Variants in ITGAE observed in about 807,000 individuals in gnomAD.
ITGAE encodes integrin alpha-E.
ITGAE carries 99 observed loss-of-function variants against 136.5 expected under a neutral mutation model. The observed-to-expected ratio is 0.73, with a 90% CI of 0.62 to 0.86. ITGAE has a LOEUF of 0.86. Ranked by LOEUF, ITGAE falls within the 40% of genes least tolerant of loss-of-function variation. ITGAE has a pLI of 0.00. For missense variants in ITGAE, 1,447 were observed against 1,515.3 expected (o/e 0.95, Z 0.75); for synonymous variants, 613 against 591.8 (o/e 1.04, Z -0.52).
Position 3,724,214 on chromosome 17 carries a change from C to A in ITGAE, c.3085-470G>T, listed in dbSNP as rs990174898. ...GCCGAGTGCCCAAGGACCGGCCCAG[C>A]CTGACCGTGACCCCAAAGCGCTGGA... On this transcript the variant is annotated intron_variant, in intron 26 of 30. Transcript: ENST00000263087. 7 of 1,593,064 alleles carry A rather than the reference C, an allele frequency of 4.4e-6. No homozygotes were observed. Among genetic ancestry groups the A allele is most frequent in the Non-Finnish European group, 5.9e-6 (7 of 1,177,010 alleles).
At chr17:3,733,812 T>TA (rs1225731694) in intron 21 of ITGAE, among the ~76,000 whole-genome samples, 1 of 152,154 alleles carries the variant, frequency 6.6e-6, no homozygotes, top group Non-Finnish European at 1.5e-5. Flanking sequence ...GAAATGTAAA[T>TA]AAAGTCCTGT....
chr17:3,753,843 C>T lies in ITGAE; in HGVS notation c.1467G>A (p.Val489=). Residue 489 remains valine, a synonymous_variant, in exon 13 of 31, where the codon GTG becomes GTA. Transcript: ENST00000263087. The part of the protein sequence containing the change: ...GAPRYKHHGA[V]FELQKEGREA... ...CTCTGCCCTCCTTCTGGAGCTCAAACACGGCCCCATGATGTTTGTACCGTG... is the reference window on the plus strand; with the variant it reads ...CTCTGCCCTCCTTCTGGAGCTCAAATACGGCCCCATGATGTTTGTACCGTG... The T allele has an allele frequency of 1.9e-6, 3 of 1,614,190 alleles. No individual in the cohort carries two copies. Among genetic ancestry groups the T allele is most frequent in the Non-Finnish European group, 2.5e-6 (3 of 1,180,018 alleles).
intron 14 of ITGAE, among the ~76,000 whole-genome samples, chr17:3,752,921 G>T (rs1394775110): frequency 6.6e-6 from 1 of 152,308 alleles, no homozygotes; most frequent in African/African-American, 2.4e-5. Flanking sequence ...TGTGGCCCAT[G>T]CCTGTAATCC....
chr17:3,792,191 G>A (rs771058452), intron 1 of ITGAE, among the ~76,000 whole-genome samples: 9 of 151,992 alleles, frequency 5.9e-5, no homozygotes, highest in East Asian at 1.9e-4. Flanking sequence ...GCGCGATCTC[G>A]GCTCACTGCA....
At chr17:3,760,058 G>A in intron 7 of ITGAE, 114 bp downstream of exon 7, 2 of 686,220 alleles carry the variant, frequency 2.9e-6, no homozygotes, top group Middle Eastern at 2.8e-4. Context: ...ATCCAGCTGA[G>A]CCCAGCCCAA....
At chr17:3,722,160 T>C (rs1368404157) in intron 28 of ITGAE, among the ~76,000 whole-genome samples, 1 of 134,076 alleles carries the variant, frequency 7.5e-6, no homozygotes, top group Admixed American at 8.1e-5. Flanking sequence ...AGAGCGAAAC[T>C]CCGTCTTGAA....
intron 3 of ITGAE, among the ~76,000 whole-genome samples, chr17:3,762,203 C>T (rs541603750): frequency 4.6e-5 from 7 of 152,350 alleles, no homozygotes; most frequent in Admixed American, 4.6e-4. Context: ...CTGACCCTTT[C>T]AACACGTGCC....
At chr17:3,796,055 GTGTGTGCATCCGTGTT>G (rs1307551007) in intron 1 of ITGAE, among the ~76,000 whole-genome samples, 18 of 150,236 alleles carry the variant, frequency 1.2e-4, no homozygotes, top group Non-Finnish European at 2.5e-4. Flanking sequence ...GTGCATCTGT[GTGTGTGCATCCGTGTT>G]TGTGCATCCC....
At chr17:3,723,147 T>C (rs949765742) in intron 28 of ITGAE, 141 bp downstream of exon 28, 6 of 630,156 alleles carry the variant, frequency 9.5e-6, no homozygotes, top group Non-Finnish European at 1.7e-5. Context: ...AAGGAACGGG[T>C]TGGGACAGAG....
At chr17:3,795,304 C>T (rs1364643851) in intron 1 of ITGAE, among the ~76,000 whole-genome samples, 1 of 152,212 alleles carries the variant, frequency 6.6e-6, no homozygotes, top group Admixed American at 6.5e-5. Context: ...GAGCCCAGCT[C>T]AGCGCAGGGC....
intron 1 of ITGAE, among the ~76,000 whole-genome samples, chr17:3,786,369 G>A (rs1017399494): frequency 1.1e-4 from 17 of 151,954 alleles, no homozygotes; most frequent in Non-Finnish European, 2.1e-4. Flanking sequence ...CTTCACTGAC[G>A]AATTTTTCCA....
At chr17:3,750,664 G>A (rs750735212) in intron 15 of ITGAE, among the ~76,000 whole-genome samples, 182 bp from the exon 16 acceptor site, 9 of 152,098 alleles carry the variant, frequency 5.9e-5, no homozygotes, top group Non-Finnish European at 5.9e-5. Flanking sequence ...ATGGAGCCTC[G>A]AAGGGCAGGT....
intron 2 of ITGAE, 49 bp downstream of exon 2, chr17:3,777,491 C>A (rs368370869): frequency 7.1e-6 from 11 of 1,556,076 alleles, no homozygotes; most frequent in Middle Eastern, 3.9e-4. Flanking sequence ...TCTCAGATTG[C>A]CTGGAAGCCC....
intron 1 of ITGAE, among the ~76,000 whole-genome samples, chr17:3,790,766 G>A (rs928451355): frequency 6.6e-6 from 1 of 152,178 alleles, no homozygotes; most frequent in Non-Finnish European, 1.5e-5. Context: ...AGCAGAAAAT[G>A]GGGATGGGGG....
At chr17:3,758,268 C>T (rs925596117) in intron 8 of ITGAE, among the ~76,000 whole-genome samples, 11 of 152,028 alleles carry the variant, frequency 7.2e-5, no homozygotes, top group South Asian at 2.1e-4. Context: ...TTTTTAGAGA[C>T]GGCGTCTCAC....
At chr17:3,732,329 A>G (rs1479793676) in intron 22 of ITGAE, 39 bp downstream of exon 22, 3 of 1,455,038 alleles carry the variant, frequency 2.1e-6, no homozygotes, top group Non-Finnish European at 2.9e-6. Flanking sequence ...CGCCAACTGC[A>G]GGGTGGTGAG....
intron 8 of ITGAE, 92 bp from the exon 9 acceptor site, chr17:3,757,951 T>G: frequency 6.9e-7 from 1 of 1,451,064 alleles, no homozygotes; most frequent in Non-Finnish European, 9.5e-7. Flanking sequence ...GTATTAGAAT[T>G]GGGAGGGTTC....
chr17:3,723,704 G>T lies in ITGAE; in HGVS notation c.3125C>A (p.Ala1042Glu). 5 of 1,602,254 alleles carry T rather than the reference G, an allele frequency of 3.1e-6. No individual in the cohort carries two copies. Among genetic ancestry groups the T allele is most frequent in the Non-Finnish European group, 4.3e-6 (5 of 1,174,256 alleles). The change falls in exon 27 of 31, where the codon GCG becomes GAG. Residue 1042 changes from alanine to glutamate, a missense_variant. Around this residue, in one of 3 missense-constraint regions of ITGAE, gnomAD observed 1,031 missense variants for 1,011.4 expected, o/e 1.02. Transcript: ENST00000263087. ...VCTWSQERAC[A>E]YSSVQHVEEW... ...CGCGCTTACCTGAACCGAACTGTAC[G>T]CACAAGCGCGCTCCTGACTCCAGGT...
intron 29 of ITGAE, among the ~76,000 whole-genome samples, chr17:3,719,108 C>A (rs1385339100): frequency 1.4e-5 from 2 of 140,330 alleles, no homozygotes; most frequent in African/African-American, 3.3e-5. Flanking sequence ...TGGTGGTGGG[C>A]ACCTGTAATC....
Sources: gnomAD v4.1 joint callset for allele counts (sites outside exome capture counted in the v4.1 genomes callset) on GRCh38, gnomAD v4.1.1 for gene constraint, gnomAD v4.1.1 regional missense constraint, MANE v1.5 for transcripts, NCBI Gene and HGNC (gene_info 2026-07-23, HGNC 2026-07-21) for gene names.